NEB: variants seen among roughly 807,000 people sequenced by gnomAD.
The protein encoded by NEB is nebulin, also known as nemaline myopathy type 2.
In NEB, 512 loss-of-function variants were observed where a neutral mutation model predicts 952.2. That is an observed-to-expected ratio of 0.54 (90% CI 0.50 to 0.58). NEB has a LOEUF of 0.58. Ranked by LOEUF, NEB falls within the 20% of genes least tolerant of loss-of-function variation. NEB has a pLI of 0.00. For synonymous variants in NEB, 2,900 were observed against 3,149.8 expected (o/e 0.92, Z 2.66); for missense variants, 8,428 against 9,231.1 (o/e 0.91, Z 3.56).
intron 109 of NEB, 74 bp downstream of exon 109, chr2:151,570,007 G>GGTTA (rs2096570286): frequency 7.2e-7 from 1 of 1,381,296 alleles, no homozygotes; most frequent in South Asian, 1.3e-5. Context: ...TGACAGAAGG[G>GGTTA]GTTAGTGTCA....
intron 69 of NEB, 117 bp downstream of exon 69, chr2:151,627,406 G>A: frequency 6.8e-7 from 1 of 1,473,932 alleles, no homozygotes; most frequent in African/African-American, 1.4e-5. Flanking sequence ...CCTAAAAAAT[G>A]AGCAGAGAGA....
rs781040533 is a variant in NEB, at chr2:151,513,691, T to C, written c.23130A>G (p.Lys7710=). 1.3e-6 allele frequency: 2 copies of C among 1,590,198 alleles called. No individual in the cohort carries two copies. The highest frequency in any genetic ancestry group is 1.7e-6 in the Non-Finnish European group (2 of 1,165,374). Reference sequence around the variant, plus strand: ...CCAGTTCCAGGTCTCGCTTATATTCTTTCTATAGTAGCATTAAAAGAAAAA... The same window carrying C: ...CCAGTTCCAGGTCTCGCTTATATTCCTTCTATAGTAGCATTAAAAGAAAAA... ...AKNATQILNE[K]EYKRDLELEV... The change falls in exon 160 of 182, where the codon AAA becomes AAG. Residue 7710 remains lysine (K), a splice_region_variant and synonymous_variant. Transcript: ENST00000397345.
rs756146889 is a variant in NEB, at chr2:151,640,024, T to A, written c.8722A>T (p.Ile2908Phe). 1.2e-6 allele frequency: 2 copies of A among 1,613,838 alleles called. No individual in the cohort carries two copies. Among genetic ancestry groups the A allele is most frequent in the African/African-American group, 2.7e-5 (2 of 74,926 alleles). The change falls in exon 62 of 182, where the codon ATT (isoleucine) becomes TTT (phenylalanine). Residue 2908 changes from isoleucine (I) to phenylalanine (F), a missense_variant. Ile to Phe is a conservative substitution (Grantham distance 21). This residue lies in a region of NEB where 1,772 missense variants were observed against 1,960.3 expected (regional missense o/e 0.90). Transcript: ENST00000397345. ...AAAGAGCCAATGGACACCCAGCCAA[T>A]GCCTCTCATCCACTGGAGATCAGAC... The part of the protein sequence containing the change: ...YKSDLQWMRG[I>F]GWVSIGSLDV...
chr2:151,577,277 C>G (rs1378214964), intron 105 of NEB, among the ~76,000 whole-genome samples: 1 of 152,164 alleles, frequency 6.6e-6, no homozygotes, highest in East Asian at 1.9e-4. Flanking sequence ...ATTCTTCCAG[C>G]CTCGTGTCAT....
rs957973772 is a variant in NEB at position 151,519,556 on chromosome 2, A to G, written c.22590+102T>C. The stretch of plus-strand genomic sequence containing the variant: ...TTTTGGAAATAGTGACAGTAGTTGG[A>G]TAATATTGTGAGTGTTATAAATGCT... On this transcript the variant is annotated intron_variant, in intron 154 of 181. Coordinates refer to ENST00000397345, the MANE Select transcript of NEB (RefSeq NM_001164508.2). 1.2e-5 allele frequency: 10 copies of G among 849,560 alleles called. No homozygotes were observed. In the African/African-American group the frequency reaches 1.3e-4, roughly 11 times the overall value. The allele number at this position is 849,560 out of a possible 1,614,324, so 52.6% of individuals were successfully genotyped here.
intron 138 of NEB, 147 bp downstream of exon 138, chr2:151,540,197 A>ATT: frequency 2.3e-6 from 1 of 435,324 alleles, no homozygotes; most frequent in Non-Finnish European, 3.9e-6. Flanking sequence ...TTGTTTGGGC[A>ATT]TTTTTTTTTC....
At position 151,529,117 on chromosome 2, in the gene NEB, G is replaced by A. The variant is rs924237026; in HGVS notation, c.21735+93C>T. ...TCTTGCTTTGGAATCAATCACTAGA[G>A]CTGAATTGCCTGAAGAGATGTAAAA... On this transcript the variant is annotated intron_variant, in intron 146 of 181. Coordinates refer to ENST00000397345, the MANE Select transcript of NEB (RefSeq NM_001164508.2). 18 of 822,040 alleles carry A rather than the reference G, an allele frequency of 2.2e-5. No individual in the cohort carries two copies. In the African/African-American group the frequency reaches 2.9e-4, roughly 13 times the overall value. 50.9% of individuals were successfully genotyped at this position (822,040 alleles called of 1,614,324 possible). A position where few individuals can be genotyped will look rare whatever the true frequency, so the allele number is the denominator to read the frequency against.
chr2:151,720,538 A>G (rs1343695059), intron 9 of NEB, among the ~76,000 whole-genome samples: 4 of 152,248 alleles, frequency 2.6e-5, no homozygotes, highest in Non-Finnish European at 2.9e-5. Context: ...GTTCTCTTTC[A>G]TTACATCTTC....
At chr2:151,520,947 T>C (rs1252127071) in intron 153 of NEB, among the ~76,000 whole-genome samples, 5 of 152,132 alleles carry the variant, frequency 3.3e-5, no homozygotes, top group African/African-American at 1.2e-4. Flanking sequence ...AAAAACAAAC[T>C]GATGCTTTTG....
intron 32 of NEB, 56 bp downstream of exon 32, chr2:151,679,665 C>A: frequency 1.5e-6 from 1 of 659,918 alleles, no homozygotes; most frequent in Non-Finnish European, 2.9e-6. Context: ...CGTCAGACCC[C>A]AAGCCCACCC....
intron 164 of NEB, 58 bp downstream of exon 164, chr2:151,506,108 A>C (rs2068664666): frequency 7.1e-7 from 1 of 1,400,974 alleles, no homozygotes; most frequent in African/African-American, 1.4e-5. Flanking sequence ...CTCATAGGTC[A>C]TTGTAAATTA....
At position 151,628,027 on chromosome 2, in the gene NEB, C is replaced by T. The variant is rs74328528; in HGVS notation, c.9832-193G>A. 8.8e-3 allele frequency among the ~76,000 whole-genome samples: 1,332 copies of T among 152,138 alleles called. 14 individuals carry two copies. The highest frequency in any genetic ancestry group is 0.029 in the South Asian group (138 of 4,812). On this transcript the variant is annotated intron_variant, in intron 68 of 181. Coordinates refer to ENST00000397345, the MANE Select transcript of NEB (RefSeq NM_001164508.2). ...TAATCTAATGGGCAGTAGTCTAATG[C>T]GAAGTCTCATAAATAGTCTAACAGC...
rs1025659170 is a variant in NEB, at chr2:151,682,534, A to T, written c.2943+128T>A. On this transcript the variant is annotated intron_variant, in intron 29 of 181. Coordinates refer to ENST00000397345, the MANE Select transcript of NEB (RefSeq NM_001164508.2). ...GCTGGTCTCCCTGGGTAATTTGTGC[A>T]CGTGGTAAGCTCTTTTCCTCAGCAA... The T allele has an allele frequency of 2.5e-5, 18 of 727,692 alleles. No homozygotes were observed. The African/African-American group carries it at 2.9e-4, about 12-fold the overall frequency. The allele number at this position is 727,692 out of a possible 1,614,324, so 45.1% of individuals were successfully genotyped here. A position where few individuals can be genotyped will look rare whatever the true frequency, so the allele number is the denominator to read the frequency against.
At chr2:151,537,659 T>C (rs2093406501) in intron 140 of NEB, among the ~76,000 whole-genome samples, 1 of 152,204 alleles carries the variant, frequency 6.6e-6, no homozygotes, top group African/African-American at 2.4e-5. Flanking sequence ...ATCATACATT[T>C]AGGAGAAAAA....
Position 151,568,684 on chromosome 2 carries a change from G to A in NEB, c.17568C>T (p.Asn5856=). The A allele has an allele frequency of 6.2e-7, 1 of 1,606,198 alleles. No individual in the cohort carries two copies. Among genetic ancestry groups the A allele is most frequent in the Non-Finnish European group, 8.5e-7 (1 of 1,176,354 alleles). The change falls in exon 111 of 182, where the codon AAC becomes AAT. Residue 5856 remains asparagine (N), a synonymous_variant. Transcript: ENST00000397345. ...KKYRTKIETL[N]FTPVDDRVDY... ...CAACTCTGTCATCCACAGGCGTAAA[G>A]TTGAGAGTTTCTATTTTTGTGCGAT...
At chr2:151,535,028 A>C (rs573903582) in intron 142 of NEB, among the ~76,000 whole-genome samples, 1 of 152,366 alleles carries the variant, frequency 6.6e-6, no homozygotes, top group South Asian at 2.1e-4. Context: ...GAAAATAGGA[A>C]ATTAAATACA....
intron 13 of NEB, among the ~76,000 whole-genome samples, chr2:151,700,439 G>A (rs1158353310): frequency 5.0e-3 from 49 of 9,836 alleles, no homozygotes; most frequent in Non-Finnish European, 7.4e-3. Context: ...CATTGAATCT[G>A]TAAATTACCT....
chr2:151,553,645 C>T, intron 126 of NEB, 143 bp from the exon 127 acceptor site: 1 of 857,314 alleles, frequency 1.2e-6, no homozygotes, highest in South Asian at 1.7e-5. Context: ...AGGGGAGCCA[C>T]AGAAACATGT....
At chr2:151,490,695 G>C (rs1304012823) in intron 179 of NEB, among the ~76,000 whole-genome samples, 177 bp from the exon 180 acceptor site, 1 of 152,172 alleles carries the variant, frequency 6.6e-6, no homozygotes, top group East Asian at 1.9e-4. Flanking sequence ...TATTTTTACA[G>C]ATGAGAGCTT....
Sources: gnomAD v4.1 joint callset for allele counts (sites outside exome capture counted in the v4.1 genomes callset) on GRCh38, gnomAD v4.1.1 for gene constraint, gnomAD v4.1.1 regional missense constraint, MANE v1.5 for transcripts, NCBI Gene and HGNC (gene_info 2026-07-23, HGNC 2026-07-21) for gene names.